LINGO2: variants seen among roughly 807,000 people sequenced by gnomAD.
LINGO2 encodes the protein leucine-rich repeat and immunoglobulin-like domain-containing nogo receptor-interacting protein 2.
Under a neutral mutation model 30.6 loss-of-function variants are expected in LINGO2, and 14 were observed. The ratio of observed to expected loss-of-function variants is 0.46; its 90% CI spans 0.30 to 0.72. LINGO2 has a LOEUF of 0.72. LINGO2 is among the 30% of genes least tolerant of loss of function. The pLI, the probability that LINGO2 is intolerant of heterozygous loss-of-function variation, is 0.07. For missense variants in LINGO2, 729 were observed against 751.7 expected, an observed-to-expected ratio of 0.97 and a Z score of 0.35; for synonymous variants, 317 against 288.5, an observed-to-expected ratio of 1.10 and a Z score of -1.00.
chr9:27,978,820 C>A (rs1289201955), intron 5 of LINGO2, among the ~76,000 whole-genome samples: 1 of 151,980 alleles, frequency 6.6e-6, no homozygotes, highest in Non-Finnish European at 1.5e-5. Flanking sequence ...TTTACTACAG[C>A]TAATGTTGCA....
At chr9:28,703,867 C>T in the LINGO2 span, among the ~76,000 whole-genome samples, 2 of 151,832 alleles carry the variant, frequency 1.3e-5, no homozygotes, top group African/African-American at 2.4e-5. Context: ...TAATTCCATC[C>T]TCCTATTCCT....
chr9:28,159,169 T>C (rs1022428312), intron 4 of LINGO2, among the ~76,000 whole-genome samples: 9 of 151,718 alleles, frequency 5.9e-5, no homozygotes, highest in Admixed American at 5.2e-4. Context: ...CCTGACTTGT[T>C]AATTGGTTTA....
At chr9:28,161,408 A>C (rs1394014695) in intron 4 of LINGO2, among the ~76,000 whole-genome samples, 2 of 152,146 alleles carry the variant, frequency 1.3e-5, no homozygotes, top group Non-Finnish European at 2.9e-5. Flanking sequence ...TGAAAGTGCA[A>C]AAGATATAAG....
At chr9:28,361,127 G>T (rs1820422398) in intron 3 of LINGO2, among the ~76,000 whole-genome samples, 1 of 152,198 alleles carries the variant, frequency 6.6e-6, no homozygotes, top group Non-Finnish European at 1.5e-5. Context: ...CTACCTGCCT[G>T]TTAGTCATTT....
chr9:28,606,161 A>G (rs1825685918), intron 1 of LINGO2, among the ~76,000 whole-genome samples: 1 of 152,028 alleles, frequency 6.6e-6, no homozygotes, highest in Non-Finnish European at 1.5e-5. Flanking sequence ...ATGTTTTGAT[A>G]TGTCTGCTAC....
the LINGO2 span, among the ~76,000 whole-genome samples, chr9:28,963,539 T>G: frequency 5.3e-5 from 4 of 75,066 alleles, no homozygotes; most frequent in Non-Finnish European, 7.6e-5. Context: ...ATGTGGTATA[T>G]GAATACACAC....
chr9:28,403,564 C>T (rs1195209548), intron 2 of LINGO2, among the ~76,000 whole-genome samples: 2 of 151,938 alleles, frequency 1.3e-5, no homozygotes, highest in African/African-American at 4.8e-5. Context: ...TTTATTTAAC[C>T]TCTTCTAAAC....
chr9:28,409,622 T>TGG (rs1290244784), intron 2 of LINGO2, among the ~76,000 whole-genome samples: 1 of 38,816 alleles, frequency 2.6e-5, no homozygotes, highest in Non-Finnish European at 1.4e-4. Flanking sequence ...TGTGCAGGGG[T>TGG]GTGTGTGTGT....
At chr9:29,169,681 G>A in the LINGO2 span, among the ~76,000 whole-genome samples, 2 of 152,146 alleles carry the variant, frequency 1.3e-5, no homozygotes, top group South Asian at 4.1e-4. Context: ...CATTGTTGGT[G>A]AAAATGTAAA....
At chr9:27,959,387 G>T (rs910094139) in intron 5 of LINGO2, among the ~76,000 whole-genome samples, 6 of 151,904 alleles carry the variant, frequency 3.9e-5, no homozygotes, top group Non-Finnish European at 1.5e-5. Context: ...CTGACTTAAG[G>T]TATAAAAACT....
chr9:28,167,281 TAAAG>T (rs1828457219), intron 4 of LINGO2, among the ~76,000 whole-genome samples: 2 of 139,326 alleles, frequency 1.4e-5, no homozygotes, highest in South Asian at 5.0e-4. Flanking sequence ...CCATGATCAG[TAAAG>T]TGCCTTGAGG....
chr9:28,707,519 A>T, the LINGO2 span, among the ~76,000 whole-genome samples: 1 of 152,078 alleles, frequency 6.6e-6, no homozygotes, highest in African/African-American at 2.4e-5. Flanking sequence ...AACAAAACAA[A>T]ACCTGAAATA....
the LINGO2 span, among the ~76,000 whole-genome samples, chr9:28,928,360 A>C: frequency 2.0e-5 from 3 of 152,192 alleles, no homozygotes; most frequent in Admixed American, 6.5e-5. Context: ...TAGTATCAAT[A>C]TTATTTCATT....
At chr9:28,811,999 C>T in the LINGO2 span, among the ~76,000 whole-genome samples, 2 of 151,950 alleles carry the variant, frequency 1.3e-5, no homozygotes, top group East Asian at 1.9e-4. Flanking sequence ...CAGTTTTCTA[C>T]ATTTAATATA....
At chr9:28,559,944 C>G (rs1473647971) in intron 1 of LINGO2, among the ~76,000 whole-genome samples, 1 of 151,990 alleles carries the variant, frequency 6.6e-6, no homozygotes, top group Non-Finnish European at 1.5e-5. Context: ...TCTCTATTCT[C>G]CAACATCTGT....
chr9:28,426,916 T>A (rs1823438542), intron 2 of LINGO2, among the ~76,000 whole-genome samples: 1 of 152,092 alleles, frequency 6.6e-6, no homozygotes, highest in Admixed American at 6.6e-5. Context: ...CTGAAAAGCA[T>A]GAGGTCCTGA....
At chr9:29,146,522 T>C in the LINGO2 span, among the ~76,000 whole-genome samples, 2 of 152,268 alleles carry the variant, frequency 1.3e-5, no homozygotes, top group South Asian at 4.1e-4. Flanking sequence ...CAAGACTATA[T>C]CAAGCTATTC....
intron 3 of LINGO2, among the ~76,000 whole-genome samples, chr9:28,366,400 C>T (rs4278232): frequency 0.29 from 43,807 of 152,054 alleles, 6,456 homozygotes; most frequent in South Asian, 0.45. Flanking sequence ...AATAATGTTC[C>T]TTTTAATATT....
chr9:28,542,343 G>A (rs1469178947), intron 1 of LINGO2, among the ~76,000 whole-genome samples: 1 of 151,962 alleles, frequency 6.6e-6, no homozygotes, highest in Non-Finnish European at 1.5e-5. Flanking sequence ...AGGTCTTCTT[G>A]AGTCAGAATC....
Sources: allele counts gnomAD v4.1 joint callset (sites outside exome capture counted in the v4.1 genomes callset), GRCh38; gene constraint gnomAD v4.1.1; transcripts MANE v1.5; gene names NCBI Gene and HGNC (gene_info 2026-07-23, HGNC 2026-07-21).